CLYBL: variants seen among roughly 807,000 people sequenced by gnomAD.
The protein encoded by CLYBL is citramalyl-CoA lyase, mitochondrial.
CLYBL carries 31 observed loss-of-function variants against 38.9 expected under a neutral mutation model. The observed-to-expected ratio is 0.80, with a 90% CI of 0.60 to 1.08. The LOEUF (loss-of-function observed/expected upper bound fraction) is 1.08. CLYBL is among the 50% of genes least tolerant of loss of function. CLYBL has a pLI of 0.00. For synonymous variants in CLYBL, 171 were observed against 158.6 expected, an observed-to-expected ratio of 1.08 and a Z score of -0.59; for missense variants, 434 against 411.6, an observed-to-expected ratio of 1.05 and a Z score of -0.47.
chr13:99,757,252 T>C (rs1202565423), intron 1 of CLYBL, among the ~76,000 whole-genome samples: 1 of 152,196 alleles, frequency 6.6e-6, no homozygotes, highest in Non-Finnish European at 1.5e-5. Flanking sequence ...ATAGATTTTT[T>C]TCAAGTTTGT....
chr13:99,871,298 A>C (rs1368451724), intron 7 of CLYBL, among the ~76,000 whole-genome samples: 2 of 152,158 alleles, frequency 1.3e-5, no homozygotes, highest in African/African-American at 2.4e-5. Flanking sequence ...CTTTTCATAA[A>C]ATATATTGGC....
intron 1 of CLYBL, among the ~76,000 whole-genome samples, chr13:99,699,490 G>A (rs940186825): frequency 1.3e-5 from 2 of 151,592 alleles, no homozygotes; most frequent in Non-Finnish European, 2.9e-5. Flanking sequence ...TCAGGAGTTC[G>A]AGACCAACCT....
intron 1 of CLYBL, among the ~76,000 whole-genome samples, chr13:99,683,371 C>T (rs745382778): frequency 1.3e-5 from 2 of 152,104 alleles, no homozygotes; most frequent in South Asian, 4.1e-4. Context: ...TGAGCCATCA[C>T]GCCTAGCCTG....
intron 4 of CLYBL, among the ~76,000 whole-genome samples, chr13:99,864,036 C>A (rs2051677936): frequency 6.6e-6 from 1 of 152,208 alleles, no homozygotes; most frequent in Non-Finnish European, 1.5e-5. Context: ...TTCCAGCCAG[C>A]CCCAGAATCC....
intron 1 of CLYBL, among the ~76,000 whole-genome samples, chr13:99,614,237 AAG>A (rs375253723): frequency 2.6e-5 from 4 of 152,288 alleles, no homozygotes; most frequent in African/African-American, 9.6e-5. Context: ...GAACTGGAGC[AAG>A]AGTCTTCTGG....
chr13:99,897,066 C>T (rs1256256888), downstream of CLYBL: 1 of 152,308 alleles, frequency 6.6e-6, no homozygotes, highest in East Asian at 1.9e-4. Context: ...CCATTGGCTA[C>T]TACAGTGTGT....
intron 1 of CLYBL, among the ~76,000 whole-genome samples, chr13:99,757,235 T>C (rs1254131665): frequency 1.3e-5 from 2 of 151,938 alleles, no homozygotes; most frequent in African/African-American, 4.8e-5. Context: ...AATACTTTTC[T>C]TTAAATATAG....
At chr13:99,780,852 T>C (rs1341047048) in intron 2 of CLYBL, among the ~76,000 whole-genome samples, 1 of 151,150 alleles carries the variant, frequency 6.6e-6, no homozygotes, top group Non-Finnish European at 1.5e-5. Flanking sequence ...TAGCTGGGAA[T>C]ACAGGTGCCT....
At chr13:99,727,985 G>T (rs1203786886) in intron 1 of CLYBL, among the ~76,000 whole-genome samples, 1 of 152,182 alleles carries the variant, frequency 6.6e-6, no homozygotes, top group Non-Finnish European at 1.5e-5. Context: ...GACTGAGGCA[G>T]GAGAATTGCT....
At chr13:99,901,637 A>AT (rs1413984777), downstream of CLYBL, among the ~76,000 whole-genome samples, 20 of 65,430 alleles carry the variant, frequency 3.1e-4, no homozygotes, top group Admixed American at 4.1e-4. Context: ...GGTTTTTTGG[A>AT]TTTTTTTGTT....
chr13:99,789,990 G>A (rs1384690803), intron 2 of CLYBL, among the ~76,000 whole-genome samples: 2 of 152,090 alleles, frequency 1.3e-5, no homozygotes, highest in Non-Finnish European at 2.9e-5. Context: ...TTGGTTTAAA[G>A]TCTGTTTTAT....
chr13:99,737,287 A>C (rs952256715), intron 1 of CLYBL, among the ~76,000 whole-genome samples: 12 of 152,316 alleles, frequency 7.9e-5, no homozygotes, highest in African/African-American at 2.6e-4. Context: ...TGGAGGTCAG[A>C]GGGGAAGGGG....
chr13:99,882,648 G>A (rs2052240611), intron 7 of CLYBL, among the ~76,000 whole-genome samples: 2 of 151,700 alleles, frequency 1.3e-5, no homozygotes, highest in African/African-American at 4.9e-5. Context: ...TGGGAGACGG[G>A]AGTGAGACCC....
chr13:99,799,883 G>C (rs1402233198), intron 2 of CLYBL, among the ~76,000 whole-genome samples: 1 of 152,244 alleles, frequency 6.6e-6, no homozygotes, highest in Non-Finnish European at 1.5e-5. Context: ...GAACAGGTCA[G>C]ATGTCGCGTG....
chr13:99,785,678 C>T (rs1033229484), intron 2 of CLYBL, among the ~76,000 whole-genome samples: 3 of 151,706 alleles, frequency 2.0e-5, no homozygotes, highest in Non-Finnish European at 2.9e-5. Flanking sequence ...CTCACTGCAA[C>T]ATCTGCCTCC....
chr13:99,620,797 AG>A (rs2046782189), intron 1 of CLYBL, among the ~76,000 whole-genome samples: 2 of 147,040 alleles, frequency 1.4e-5, no homozygotes, highest in Admixed American at 1.4e-4. Flanking sequence ...AAAGAAAAAG[AG>A]AGAGAGAGAA....
intron 1 of CLYBL, among the ~76,000 whole-genome samples, chr13:99,697,042 C>T (rs150132850): frequency 4.1e-4 from 63 of 152,240 alleles, no homozygotes; most frequent in African/African-American, 1.3e-3. Flanking sequence ...TCCTGTAATG[C>T]CCTTATGCAT....
At chr13:99,833,101 G>A (rs2050857680) in intron 2 of CLYBL, among the ~76,000 whole-genome samples, 1 of 131,790 alleles carries the variant, frequency 7.6e-6, no homozygotes, top group South Asian at 2.6e-4. Flanking sequence ...GAGTACAATG[G>A]CACGATCTTA....
intron 2 of CLYBL, among the ~76,000 whole-genome samples, chr13:99,803,476 A>G (rs534858559): frequency 3.9e-5 from 6 of 152,262 alleles, no homozygotes; most frequent in East Asian, 3.8e-4. Context: ...TTCCAGCCCA[A>G]TGTATCCTAA....
Sources: gnomAD v4.1 joint callset for allele counts (sites outside exome capture counted in the v4.1 genomes callset) on GRCh38, gnomAD v4.1.1 for gene constraint, MANE v1.5 for transcripts, NCBI Gene and HGNC (gene_info 2026-07-23, HGNC 2026-07-21) for gene names.